Variants in PTPRD observed in about 807,000 individuals in gnomAD.
The protein encoded by PTPRD is receptor-type tyrosine-protein phosphatase delta.
Under a neutral mutation model 214.5 loss-of-function variants are expected in PTPRD, and 34 were observed. The observed-to-expected ratio is 0.16, with a 90% CI of 0.12 to 0.21. PTPRD has a LOEUF of 0.21. PTPRD is among the 10% of genes least tolerant of loss of function. The probability of loss-of-function intolerance (pLI) is 1.00; values close to 1 mark genes in which losing one functional copy is unlikely to be tolerated. For missense variants in PTPRD, 2,545 were observed against 2,398.7 expected, an observed-to-expected ratio of 1.06 and a Z score of -1.27; for synonymous variants, 1,128 against 845.7, an observed-to-expected ratio of 1.33 and a Z score of -5.79.
chr9:9,218,117 A>T (rs992035389), intron 9 of PTPRD, among the ~76,000 whole-genome samples: 1 of 152,160 alleles, frequency 6.6e-6, no homozygotes, highest in African/African-American at 2.4e-5. Flanking sequence ...TTAATGTTGC[A>T]TTGGACTGAA....
At chr9:9,242,604 C>T (rs897407117) in intron 9 of PTPRD, among the ~76,000 whole-genome samples, 1 of 152,142 alleles carries the variant, frequency 6.6e-6, no homozygotes, top group African/African-American at 2.4e-5. Flanking sequence ...TCTTCCATCA[C>T]TGATACCCTT....
At chr9:8,601,074 T>G (rs945878780) in intron 14 of PTPRD, among the ~76,000 whole-genome samples, 2 of 152,088 alleles carry the variant, frequency 1.3e-5, no homozygotes, top group Admixed American at 6.5e-5. Flanking sequence ...TGAAGAGCTT[T>G]TAGGCCTTAA....
chr9:10,277,987 T>C (rs376290743), intron 3 of PTPRD, among the ~76,000 whole-genome samples: 17 of 152,060 alleles, frequency 1.1e-4, no homozygotes, highest in South Asian at 6.2e-4. Flanking sequence ...GAGAAAACCC[T>C]GTCTCTACTA....
At chr9:9,095,794 T>C (rs1208663464) in intron 10 of PTPRD, among the ~76,000 whole-genome samples, 2 of 152,182 alleles carry the variant, frequency 1.3e-5, no homozygotes, top group African/African-American at 4.8e-5. Context: ...GTTAAGATAT[T>C]TTCATTCCCA....
At chr9:10,168,018 G>C (rs2099170157) in intron 3 of PTPRD, among the ~76,000 whole-genome samples, 1 of 152,204 alleles carries the variant, frequency 6.6e-6, no homozygotes, top group Non-Finnish European at 1.5e-5. Context: ...ATCCTTGGAA[G>C]TGAGGGTAGG....
At chr9:10,394,588 C>G (rs543938810) in intron 2 of PTPRD, among the ~76,000 whole-genome samples, 114 of 151,772 alleles carry the variant, frequency 7.5e-4, no homozygotes, top group African/African-American at 2.7e-3. Flanking sequence ...TTTCCAAAAC[C>G]ACGTAGTCTA....
At chr9:8,444,200 A>G (rs1590660148) in intron 34 of PTPRD, among the ~76,000 whole-genome samples, 1 of 152,198 alleles carries the variant, frequency 6.6e-6, no homozygotes, top group African/African-American at 2.4e-5. Context: ...ATGAGTAATA[A>G]CCTAGCCTCC....
intron 2 of PTPRD, among the ~76,000 whole-genome samples, chr9:10,569,964 T>C (rs2066908300): frequency 6.6e-6 from 1 of 152,130 alleles, no homozygotes; most frequent in Admixed American, 6.6e-5. Context: ...TGATATATAA[T>C]ATGTCTATAA....
chr9:9,275,199 T>TATATATATGTTATATATATA (rs1491465404), intron 9 of PTPRD, among the ~76,000 whole-genome samples: 6 of 10,400 alleles, frequency 5.8e-4, no homozygotes, highest in African/African-American at 1.5e-3. Context: ...TATATATATA[T>TATATATATGTTATATATATA]TATATATATA....
At chr9:9,197,635 T>G (rs906103069) in intron 9 of PTPRD, among the ~76,000 whole-genome samples, 1 of 152,184 alleles carries the variant, frequency 6.6e-6, no homozygotes, top group Middle Eastern at 3.2e-3. Context: ...GGTCTCGAAC[T>G]CCTGACCTCA....
At chr9:9,306,780 T>C (rs1175441450) in intron 9 of PTPRD, among the ~76,000 whole-genome samples, 9 of 152,122 alleles carry the variant, frequency 5.9e-5, no homozygotes, top group Admixed American at 4.6e-4. Flanking sequence ...TTTCTAACTT[T>C]GTTAGCATTG....
intron 5 of PTPRD, among the ~76,000 whole-genome samples, chr9:9,823,057 G>C (rs2761760): frequency 0.18 from 27,184 of 152,018 alleles, 2,790 homozygotes; most frequent in African/African-American, 0.28. Flanking sequence ...CCAATATATG[G>C]AATCAAAATA....
chr9:9,205,313 G>C (rs2132490909), intron 9 of PTPRD, among the ~76,000 whole-genome samples: 1 of 152,188 alleles, frequency 6.6e-6, no homozygotes, highest in African/African-American at 2.4e-5. Context: ...ATATAATACT[G>C]TAAATATGAA....
rs1289077257 is a variant in PTPRD, at chr9:9,934,064, G to C, written c.-368+4443C>G. On this transcript the variant is annotated intron_variant, in intron 5 of 45. Coordinates refer to ENST00000381196, the MANE Select transcript of PTPRD (RefSeq NM_002839.4). ...AGACACAACATACCAGAATCTCTGGGACACATTCAAAGCAGTGTGTAGAGG... is the reference window on the plus strand; with the variant it reads ...AGACACAACATACCAGAATCTCTGGCACACATTCAAAGCAGTGTGTAGAGG... 3.3e-5 allele frequency among the ~76,000 whole-genome samples: 5 copies of C among 149,752 alleles called. No individual in the cohort carries two copies. The East Asian group carries it at 9.8e-4, about 29-fold the overall frequency.
intron 9 of PTPRD, among the ~76,000 whole-genome samples, chr9:9,391,128 A>G (rs1249803366): frequency 1.3e-5 from 2 of 150,712 alleles, no homozygotes; most frequent in African/African-American, 4.9e-5. Context: ...ATATGAAATG[A>G]ATGGAGGGTT....
At chr9:8,952,807 G>GTTTCTTCTT (rs2099110064) in intron 11 of PTPRD, among the ~76,000 whole-genome samples, 1 of 151,788 alleles carries the variant, frequency 6.6e-6, no homozygotes, top group Non-Finnish European at 1.5e-5. Context: ...AGAAAGAAAA[G>GTTTCTTCTT]GAATTTAAAC....
intron 10 of PTPRD, among the ~76,000 whole-genome samples, chr9:9,176,548 A>T (rs908801842): frequency 1.3e-5 from 2 of 152,198 alleles, no homozygotes; most frequent in Non-Finnish European, 2.9e-5. Context: ...ATTAAAACTC[A>T]TGTTGAAACC....
rs1456661049 is a variant in PTPRD, at chr9:9,585,227, C to T, written c.-286-10446G>A. The stretch of plus-strand genomic sequence containing the variant: ...TTTTACAGCATGTTTATCTCAGTAG[C>T]AGACATAATGCCTAGGGGCAAAGCT... On this transcript the variant is annotated intron_variant, in intron 7 of 45. Coordinates refer to ENST00000381196, the MANE Select transcript of PTPRD (RefSeq NM_002839.4). 5.3e-5 allele frequency among the ~76,000 whole-genome samples: 8 copies of T among 152,046 alleles called. No homozygotes were observed. The East Asian group carries it at 1.5e-3, about 29-fold the overall frequency.
At chr9:8,455,188 T>G (rs1187070426) in intron 33 of PTPRD, among the ~76,000 whole-genome samples, 2 of 152,226 alleles carry the variant, frequency 1.3e-5, no homozygotes, top group Non-Finnish European at 2.9e-5. Context: ...TTTTTTCCCA[T>G]GAAGGATTAA....
Sources: allele counts gnomAD v4.1 joint callset (sites outside exome capture counted in the v4.1 genomes callset), GRCh38; gene constraint gnomAD v4.1.1; transcripts MANE v1.5; gene names NCBI Gene and HGNC (gene_info 2026-07-23, HGNC 2026-07-21).